GGA3: variants seen among roughly 807,000 people sequenced by gnomAD.
GGA3 encodes ADP-ribosylation factor-binding protein GGA3.
GGA3 carries 57 observed loss-of-function variants against 77.5 expected under a neutral mutation model. The observed-to-expected ratio is 0.74, with a 90% confidence interval of 0.59 to 0.92. The LOEUF (loss-of-function observed/expected upper bound fraction) is 0.92, where lower values mean the gene tolerates loss of function less well. Among genes scored for constraint, GGA3 ranks in the 40% least tolerant of loss-of-function variants. The pLI is 0.00. For missense variants in GGA3, 970 were observed against 914.9 expected (o/e 1.06, Z -0.78); for synonymous variants, 416 against 383.7 (o/e 1.08, Z -0.98).
At chr17:75,255,151 G>C (rs376978721) in intron 1 of GGA3, among the ~76,000 whole-genome samples, 10 of 152,016 alleles carry the variant, frequency 6.6e-5, no homozygotes, top group South Asian at 4.2e-4. Flanking sequence ...AATCAATACG[G>C]AGGCTACCCA....
intron 1 of GGA3, among the ~76,000 whole-genome samples, chr17:75,255,710 T>C (rs1000105412): frequency 6.6e-6 from 1 of 152,222 alleles, no homozygotes; most frequent in Non-Finnish European, 1.5e-5. Flanking sequence ...TAGTTCAGGA[T>C]CTATGCCTTA....
chr17:75,259,305 A>G (rs558755824), intron 1 of GGA3, among the ~76,000 whole-genome samples: 1 of 152,216 alleles, frequency 6.6e-6, no homozygotes, highest in African/African-American at 2.4e-5. Context: ...CCTAACTCCT[A>G]TAACACCCCA....
chr17:75,241,296 C>A, intron 10 of GGA3, 104 bp downstream of exon 10: 1 of 823,254 alleles, frequency 1.2e-6, no homozygotes, highest in Non-Finnish European at 2.0e-6. Context: ...CTCCCTTGGG[C>A]CTTGTGCAAC....
At chr17:75,251,756 A>T (rs1208184716) in intron 1 of GGA3, among the ~76,000 whole-genome samples, 1 of 138,004 alleles carries the variant, frequency 7.2e-6, no homozygotes, top group Middle Eastern at 3.7e-3. Context: ...TGACTTCCCC[A>T]TTTCTTTTTC....
intron 1 of GGA3, among the ~76,000 whole-genome samples, chr17:75,257,652 T>C (rs984531831): frequency 2.0e-5 from 3 of 152,040 alleles, no homozygotes; most frequent in Non-Finnish European, 2.9e-5. Context: ...ATACGACAAA[T>C]GTTTCTTCTA....
Position 75,254,598 on chromosome 17 carries a change from C to G in GGA3, c.40+6950G>C. Among the ~76,000 whole-genome samples, 2 of 152,088 alleles carry G rather than the reference C, an allele frequency of 1.3e-5. 1 individual carries two copies. Among genetic ancestry groups the G allele is most frequent in the African/African-American group, 4.8e-5 (2 of 41,400 alleles). On this transcript the variant is annotated intron_variant, in intron 1 of 16. Coordinates refer to ENST00000537686, the MANE Select transcript of GGA3 (RefSeq NM_138619.4). ...TACGTTTTATTACCCAATCTGCTCCCGACATTAAATAAAACTCCAAAAATT... is the reference window on the plus strand; with the variant it reads ...TACGTTTTATTACCCAATCTGCTCCGGACATTAAATAAAACTCCAAAAATT...
chr17:75,249,075 T>G (rs2076870003), intron 1 of GGA3: 1 of 858,364 alleles, frequency 1.2e-6, no homozygotes, highest in Non-Finnish European at 1.4e-6. Context: ...AGATTGAGTC[T>G]CGCTGTGTCA....
rs1030086196 is a variant in GGA3 at position 75,237,680 on chromosome 17, G to A, written c.*599C>T. ...CAAGCACACAACTCATCACTCCGTG[G>A]CCATTCCAGGACGATGCTGTCCACC... On this transcript the variant is annotated 3_prime_UTR_variant, in exon 17 of 17. Coordinates refer to ENST00000537686, the MANE Select transcript of GGA3 (RefSeq NM_138619.4). The A allele has an allele frequency of 2.7e-6, 4 of 1,475,714 alleles. No homozygotes were observed. In the African/African-American group the frequency reaches 5.6e-5, roughly 21 times the overall value. 91.4% of individuals were successfully genotyped at this position (1,475,714 alleles called of 1,614,324 possible).
intron 1 of GGA3, among the ~76,000 whole-genome samples, chr17:75,260,283 G>T (rs1390122964): frequency 6.6e-6 from 1 of 152,152 alleles, no homozygotes; most frequent in Non-Finnish European, 1.5e-5. Flanking sequence ...TAGCAAGTTG[G>T]GCATTTCTGG....
At chr17:75,240,173 C>T (rs1056657482) in intron 12 of GGA3, 65 bp from the exon 13 acceptor site, 6 of 1,328,410 alleles carry the variant, frequency 4.5e-6, no homozygotes, top group Admixed American at 2.0e-5. Flanking sequence ...TGGAACGGGG[C>T]GCAGCCCTCC....
rs760669988 is a variant in GGA3 at position 75,242,330 on chromosome 17, T to C, written c.747+6A>G. On this transcript the variant is annotated splice_donor_region_variant and intron_variant, in intron 8 of 16. Coordinates refer to ENST00000537686, the MANE Select transcript of GGA3 (RefSeq NM_138619.4). ...GGGAGGCAGCCTTTGCCGTCGGCGG[T>C]CCCACCTTCATCAGCTCTCTGTCCC... 5.0e-6 allele frequency: 8 copies of C among 1,613,982 alleles called. No homozygotes were observed. The highest frequency in any genetic ancestry group is 8.5e-7 in the Non-Finnish European group (1 of 1,180,000).
chr17:75,244,864 G>A (rs1335443076), intron 3 of GGA3, 147 bp from the exon 4 acceptor site: 6 of 643,782 alleles, frequency 9.3e-6, no homozygotes, highest in Admixed American at 7.8e-5. Flanking sequence ...CACTGCCCGG[G>A]GACAGTGTAA....
chr17:75,240,851 T>G lies in GGA3; in HGVS notation c.1153A>C (p.Asn385His). The change falls in exon 11 of 17, where the codon AAC becomes CAC. Residue 385 changes from asparagine to histidine, a missense_variant. By Grantham distance (68) the Asn-to-His change is moderately conservative. Transcript: ENST00000537686. ...TCCTCGTCCAGCCAGGAGAGGGCGT[T>G]GCTTGTGCTGCTGGGCCCCAGGGTG... is the stretch of plus-strand genomic sequence containing the variant. ...EATLGPSSTSNALSWLDEELL... is the reference protein window; with the variant it reads ...EATLGPSSTSHALSWLDEELL... The G allele has an allele frequency of 6.2e-7, 1 of 1,613,214 alleles. No individual in the cohort carries two copies. Among genetic ancestry groups the G allele is most frequent in the Non-Finnish European group, 8.5e-7 (1 of 1,179,846 alleles).
chr17:75,246,992 T>A (rs950737554), intron 1 of GGA3, among the ~76,000 whole-genome samples, 196 bp from the exon 2 acceptor site: 10 of 151,344 alleles, frequency 6.6e-5, no homozygotes, highest in Admixed American at 2.6e-4. Flanking sequence ...CAAATACTGC[T>A]TTCTGTCCAG....
chr17:75,247,150 C>T (rs978376833), intron 1 of GGA3, among the ~76,000 whole-genome samples: 1 of 152,080 alleles, frequency 6.6e-6, no homozygotes, highest in Admixed American at 6.6e-5. Context: ...AAGGGAACTC[C>T]AGCTATATAA....
upstream of GGA3, chr17:75,262,073 C>T: frequency 6.9e-7 from 1 of 1,444,006 alleles, no homozygotes; most frequent in Non-Finnish European, 9.5e-7. Flanking sequence ...GAGAGCATTG[C>T]CCTGGGGGCC....
intron 14 of GGA3, 42 bp downstream of exon 14, chr17:75,239,333 T>C (rs1276185719): frequency 4.8e-6 from 7 of 1,459,120 alleles, no homozygotes; most frequent in Non-Finnish European, 6.5e-6. Flanking sequence ...TCCGTGGCTA[T>C]AGGCCCCACC....
At chr17:75,248,647 A>T (rs34391722) in intron 1 of GGA3, among the ~76,000 whole-genome samples, 1 of 150,838 alleles carries the variant, frequency 6.6e-6, no homozygotes, top group Non-Finnish European at 1.5e-5. Flanking sequence ...TTAGCTGGGC[A>T]TGGTGGCACA....
Position 75,244,684 on chromosome 17 carries a change from T to C in GGA3, c.235A>G (p.Arg79Gly). The change falls in exon 4 of 17, where the codon AGA becomes GGA. Residue 79 changes from arginine to glycine, a missense_variant. Arg to Gly is a moderately radical substitution (Grantham distance 125). Coordinates refer to ENST00000537686, the MANE Select transcript of GGA3 (RefSeq NM_138619.4). ...AACTTCCCCACTTCGTTATGAAATC[T>C]CCTCCCACAGTTCTTCATGCATGCC... Reference protein sequence around the residue: ...LEACMKNCGRRFHNEVGKFRF... With the variant: ...LEACMKNCGRGFHNEVGKFRF... 1 of 1,613,874 alleles carries C rather than the reference T, an allele frequency of 6.2e-7. No individual in the cohort carries two copies. The highest frequency in any genetic ancestry group is 1.1e-5 in the South Asian group (1 of 91,074).
Sources: gnomAD v4.1 joint callset for allele counts (sites outside exome capture counted in the v4.1 genomes callset) on GRCh38, gnomAD v4.1.1 for gene constraint, MANE v1.5 for transcripts, NCBI Gene and HGNC (gene_info 2026-07-23, HGNC 2026-07-21) for gene names.